Variants in ERC2 observed in about 807,000 individuals in gnomAD.
ERC2 encodes the protein ERC protein 2.
A neutral mutation model predicts 114.8 loss-of-function variants in ERC2; 42 were observed. That is an observed-to-expected ratio of 0.37 (90% CI 0.29 to 0.47). The LOEUF (loss-of-function observed/expected upper bound fraction) is 0.47. Among genes scored for constraint, ERC2 ranks in the 20% least tolerant of loss-of-function variants. The probability of loss-of-function intolerance (pLI) is 0.99; values close to 1 mark genes in which losing one functional copy is unlikely to be tolerated. For missense variants in ERC2, 939 were observed against 1,150.7 expected, an observed-to-expected ratio of 0.82 and a Z score of 2.66; for synonymous variants, 454 against 425.5, an observed-to-expected ratio of 1.07 and a Z score of -0.82.
chr3:56,124,631 T>C (rs1335193238), intron 6 of ERC2, among the ~76,000 whole-genome samples: 2 of 152,204 alleles, frequency 1.3e-5, no homozygotes, highest in Non-Finnish European at 2.9e-5. Flanking sequence ...GAAGGCTCCA[T>C]TCTCAAGAAA....
chr3:56,218,360 A>G (rs2049644073), intron 3 of ERC2, among the ~76,000 whole-genome samples: 1 of 152,250 alleles, frequency 6.6e-6, no homozygotes, highest in Admixed American at 6.5e-5. Flanking sequence ...AAAAGGAGAC[A>G]TTTATGCAGC....
At chr3:56,419,689 C>T (rs2061312400) in intron 2 of ERC2, among the ~76,000 whole-genome samples, 1 of 152,198 alleles carries the variant, frequency 6.6e-6, no homozygotes, top group African/African-American at 2.4e-5. Context: ...ACTCCCAACA[C>T]ATGTGCAATA....
chr3:56,113,388 C>T (rs768374821), intron 6 of ERC2, among the ~76,000 whole-genome samples: 1 of 152,140 alleles, frequency 6.6e-6, no homozygotes, highest in Non-Finnish European at 1.5e-5. Context: ...TCCCTGCTGA[C>T]CATAAAGATA....
At chr3:56,336,000 C>T (rs2057830742) in intron 2 of ERC2, among the ~76,000 whole-genome samples, 1 of 152,164 alleles carries the variant, frequency 6.6e-6, no homozygotes, top group South Asian at 2.1e-4. Flanking sequence ...CAAGAAGTAT[C>T]TACCCTACCT....
chr3:56,301,419 G>A (rs544275503), intron 2 of ERC2, among the ~76,000 whole-genome samples: 1 of 152,180 alleles, frequency 6.6e-6, no homozygotes, highest in South Asian at 2.1e-4. Flanking sequence ...TACATACCTT[G>A]TAGATCCTTG....
chr3:55,700,503 G>C (rs2063166599), intron 15 of ERC2, among the ~76,000 whole-genome samples: 1 of 152,226 alleles, frequency 6.6e-6, no homozygotes. Context: ...CGCTAGGAGC[G>C]AATGATACGA....
chr3:55,638,448 G>A (rs2060043289), intron 17 of ERC2, among the ~76,000 whole-genome samples: 1 of 152,184 alleles, frequency 6.6e-6, no homozygotes, highest in African/African-American at 2.4e-5. Context: ...TCATCGTTGT[G>A]CATAGCTTTG....
intron 14 of ERC2, among the ~76,000 whole-genome samples, chr3:55,774,434 C>T (rs559719780): frequency 1.3e-5 from 2 of 152,360 alleles, no homozygotes; most frequent in Admixed American, 6.5e-5. Context: ...ACTTCGTGGT[C>T]TCCCATCAAT....
chr3:55,920,101 T>G (rs180820302), intron 13 of ERC2, among the ~76,000 whole-genome samples: 321 of 152,214 alleles, frequency 2.1e-3, no homozygotes, highest in Non-Finnish European at 3.2e-3. Flanking sequence ...TATGGCCGGA[T>G]GCACATTACA....
intron 17 of ERC2, among the ~76,000 whole-genome samples, chr3:55,583,403 C>CTTCCTTCCTTCCTTCT (rs2057378447): frequency 5.4e-5 from 4 of 74,274 alleles, no homozygotes; most frequent in African/African-American, 1.4e-4. Context: ...TCCTTCTTTC[C>CTTCCTTCCTTCCTTCT]TTCCTTCCTT....
At chr3:56,232,871 T>C (rs1248003021) in intron 3 of ERC2, among the ~76,000 whole-genome samples, 1 of 152,230 alleles carries the variant, frequency 6.6e-6, no homozygotes, top group Non-Finnish European at 1.5e-5. Context: ...GCCTCAGACC[T>C]TCAAACATGC....
intron 14 of ERC2, among the ~76,000 whole-genome samples, chr3:55,807,572 T>C (rs9311585): frequency 0.065 from 9,874 of 152,226 alleles, 507 homozygotes; most frequent in African/African-American, 0.14. Context: ...TACAAGTGGG[T>C]GTGGCTGAGT....
chr3:56,071,750 C>A (rs1244815324), intron 7 of ERC2, among the ~76,000 whole-genome samples: 2 of 152,264 alleles, frequency 1.3e-5, no homozygotes, highest in East Asian at 3.9e-4. Flanking sequence ...AATTTCAAAT[C>A]CCTTAGAAGA....
intron 17 of ERC2, among the ~76,000 whole-genome samples, chr3:55,516,924 G>A (rs1271564527): frequency 6.6e-6 from 1 of 152,128 alleles, no homozygotes; most frequent in African/African-American, 2.4e-5. Flanking sequence ...ATGCAGATGA[G>A]GAAACGAAAG....
chr3:55,769,595 T>A (rs1451178656), intron 14 of ERC2, among the ~76,000 whole-genome samples: 1 of 152,136 alleles, frequency 6.6e-6, no homozygotes, highest in Admixed American at 6.5e-5. Context: ...TATATTTGGT[T>A]GAACAATTAG....
At chr3:55,751,237 G>A (rs1283976592) in intron 14 of ERC2, among the ~76,000 whole-genome samples, 3 of 152,118 alleles carry the variant, frequency 2.0e-5, no homozygotes, top group Admixed American at 6.6e-5. Context: ...CTGAGTGACC[G>A]TCCCTTTGCC....
chr3:55,972,566 T>C (rs1027411700), intron 12 of ERC2, among the ~76,000 whole-genome samples: 1 of 152,204 alleles, frequency 6.6e-6, no homozygotes, highest in Non-Finnish European at 1.5e-5. Context: ...CTGAGAATGA[T>C]GGTTTCCAGC....
In ERC2 at chr3:55,574,345, C is replaced by T. The variant is rs186816756; in HGVS notation, c.*40-63069G>A. Among the ~76,000 whole-genome samples the T allele has an allele frequency of 1.6e-3, 247 of 152,276 alleles. 1 individual carries two copies. Among genetic ancestry groups the T allele is most frequent in the Middle Eastern group, 6.8e-3 (2 of 294 alleles). On this transcript the variant is annotated intron_variant, in intron 17 of 17. Transcript: ENST00000288221. ...AAATCTTGGGCAGGACTTTCCTTTG[C>T]CAAAGTCCCTTGATAAAACAAACTT...
At chr3:55,637,881 CCT>C (rs1200739690) in intron 17 of ERC2, among the ~76,000 whole-genome samples, 2 of 151,724 alleles carry the variant, frequency 1.3e-5, no homozygotes, top group Non-Finnish European at 2.9e-5. Context: ...CTCACTGACC[CCT>C]CTGACTCAAG....
Sources: allele counts gnomAD v4.1 joint callset (sites outside exome capture counted in the v4.1 genomes callset), GRCh38; gene constraint gnomAD v4.1.1; transcripts MANE v1.5; gene names NCBI Gene and HGNC (gene_info 2026-07-23, HGNC 2026-07-21).